KCNIP4: variants seen among roughly 807,000 people sequenced by gnomAD.
KCNIP4 encodes the protein potassium voltage-gated channel interacting protein 4.
Under a neutral mutation model 34.0 loss-of-function variants are expected in KCNIP4, and 12 were observed. The observed-to-expected ratio is 0.35, with a 90% CI of 0.23 to 0.57. The LOEUF is 0.57. Ranked by LOEUF, KCNIP4 falls within the 20% of genes least tolerant of loss-of-function variation. KCNIP4 has a pLI of 0.83. For missense variants in KCNIP4, 238 were observed against 311.7 expected (o/e 0.76, Z 1.78); for synonymous variants, 124 against 102.2 (o/e 1.21, Z -1.29).
At chr4:20,978,318 G>A (rs949743391) in intron 1 of KCNIP4, among the ~76,000 whole-genome samples, 1 of 152,194 alleles carries the variant, frequency 6.6e-6, no homozygotes, top group Non-Finnish European at 1.5e-5. Context: ...AAACCTGAAA[G>A]TGATACTGGA....
At chr4:21,741,164 A>G (rs963135305) in intron 1 of KCNIP4, among the ~76,000 whole-genome samples, 4 of 152,104 alleles carry the variant, frequency 2.6e-5, no homozygotes, top group African/African-American at 9.7e-5. Context: ...TCCAAACCCA[A>G]TTTTATTTTT....
At chr4:20,789,162 C>T (rs930934798) in intron 3 of KCNIP4, among the ~76,000 whole-genome samples, 4 of 152,096 alleles carry the variant, frequency 2.6e-5, no homozygotes, top group Admixed American at 6.6e-5. Context: ...AGGAGCTTCC[C>T]ATAAGGTTTA....
chr4:21,792,015 A>C (rs529053526), intron 1 of KCNIP4, among the ~76,000 whole-genome samples: 1 of 150,528 alleles, frequency 6.6e-6, no homozygotes, highest in African/African-American at 2.4e-5. Flanking sequence ...AAAAAAAAAA[A>C]AAAAAAAAAA....
intron 1 of KCNIP4, among the ~76,000 whole-genome samples, chr4:20,904,331 G>GTATATA (rs775475074): frequency 7.0e-5 from 10 of 143,648 alleles, no homozygotes; most frequent in South Asian, 4.4e-4. Flanking sequence ...GTGTGTGTGT[G>GTATATA]TATATATATA....
chr4:20,984,634 T>C (rs1736410116), intron 1 of KCNIP4, among the ~76,000 whole-genome samples: 3 of 152,176 alleles, frequency 2.0e-5, no homozygotes, highest in African/African-American at 7.2e-5. Context: ...GCCACGCCAC[T>C]CCTTGTTCTG....
At chr4:21,513,457 A>G (rs928312395) in intron 1 of KCNIP4, among the ~76,000 whole-genome samples, 1 of 152,214 alleles carries the variant, frequency 6.6e-6, no homozygotes, top group Non-Finnish European at 1.5e-5. Context: ...TAAGTACCAG[A>G]AGGTAGCATA....
At chr4:21,017,639 C>A (rs60734157) in intron 1 of KCNIP4, among the ~76,000 whole-genome samples, 100 of 152,192 alleles carry the variant, frequency 6.6e-4, no homozygotes, top group African/African-American at 1.8e-3. Context: ...GTCAATAGTG[C>A]TGCAAGGAAC....
At chr4:21,527,645 T>TTAACTCTTACA (rs1736083996) in intron 1 of KCNIP4, among the ~76,000 whole-genome samples, 1 of 152,184 alleles carries the variant, frequency 6.6e-6, no homozygotes, top group African/African-American at 2.4e-5. Context: ...ACTCTTACAT[T>TTAACTCTTACA]GTAGCTGTTA....
intron 1 of KCNIP4, among the ~76,000 whole-genome samples, chr4:21,704,055 T>C (rs1307642291): frequency 6.6e-6 from 1 of 152,132 alleles, no homozygotes; most frequent in East Asian, 1.9e-4. Context: ...TTGACAAAGA[T>C]GCAAGAGCAG....
In KCNIP4 at chr4:21,254,081, A is replaced by G. The variant is rs73111233; in HGVS notation, c.62-371372T>C. On this transcript the variant is annotated intron_variant, in intron 1 of 8. Transcript: ENST00000382152. ...CGAAGAACAACTGCTTAATGAGTAT[A>G]GATTATCCCTTTGGTATGATAAGAA... Among the ~76,000 whole-genome samples the G allele has an allele frequency of 7.6e-4, 116 of 152,322 alleles. 1 individual carries two copies. Among genetic ancestry groups the G allele is most frequent in the African/African-American group, 2.8e-3 (115 of 41,564 alleles).
chr4:20,733,493 A>AAT (rs1171650182), intron 6 of KCNIP4, among the ~76,000 whole-genome samples: 1 of 152,202 alleles, frequency 6.6e-6, no homozygotes, highest in Non-Finnish European at 1.5e-5. Context: ...ATACAGAGCG[A>AAT]ATATATATTT....
chr4:21,052,126 C>T (rs564498418), intron 1 of KCNIP4, among the ~76,000 whole-genome samples: 1 of 152,238 alleles, frequency 6.6e-6, no homozygotes, highest in Non-Finnish European at 1.5e-5. Flanking sequence ...TCCTAGTATA[C>T]CAAATTATCA....
chr4:21,742,996 A>G (rs6821199), intron 1 of KCNIP4, among the ~76,000 whole-genome samples: 13,831 of 152,196 alleles, frequency 0.091, 2,120 homozygotes, highest in African/African-American at 0.32. Context: ...GTAATAGGCT[A>G]CCATAGGCTG....
chr4:21,482,647 T>C (rs1181297445), intron 1 of KCNIP4, among the ~76,000 whole-genome samples: 1 of 152,190 alleles, frequency 6.6e-6, no homozygotes, highest in Non-Finnish European at 1.5e-5. Context: ...GCCCCCACTC[T>C]CTTCTGGCTT....
chr4:21,452,808 AG>A (rs1447905707), intron 1 of KCNIP4, among the ~76,000 whole-genome samples: 2 of 150,800 alleles, frequency 1.3e-5, no homozygotes, highest in Non-Finnish European at 3.0e-5. Context: ...ACAGAAAAAA[AG>A]AAGTCCTTTT....
At chr4:21,480,389 A>G (rs1480899625) in intron 1 of KCNIP4, among the ~76,000 whole-genome samples, 1 of 152,160 alleles carries the variant, frequency 6.6e-6, no homozygotes, top group African/African-American at 2.4e-5. Context: ...GTCAATAGAC[A>G]AACAGAACAA....
At chr4:21,743,903 C>T (rs909053551) in intron 1 of KCNIP4, among the ~76,000 whole-genome samples, 4 of 151,004 alleles carry the variant, frequency 2.6e-5, no homozygotes, top group Non-Finnish European at 5.9e-5. Flanking sequence ...GAGGCATTGC[C>T]ATGGGACTTG....
At chr4:20,839,832 A>T (rs1719509728) in intron 3 of KCNIP4, among the ~76,000 whole-genome samples, 1 of 152,118 alleles carries the variant, frequency 6.6e-6, no homozygotes, top group Non-Finnish European at 1.5e-5. Context: ...GCCCAAGGGT[A>T]ACCAGAACCA....
intron 1 of KCNIP4, among the ~76,000 whole-genome samples, chr4:20,908,963 G>A (rs969318138): frequency 6.6e-6 from 1 of 152,180 alleles, no homozygotes; most frequent in Admixed American, 6.6e-5. Context: ...TTTAACCACA[G>A]TAAACTGTGA....
Sources: allele counts gnomAD v4.1 joint callset (sites outside exome capture counted in the v4.1 genomes callset), GRCh38; gene constraint gnomAD v4.1.1; transcripts MANE v1.5; gene names NCBI Gene and HGNC (gene_info 2026-07-23, HGNC 2026-07-21).